Variants in LRRC52 observed in about 807,000 individuals in gnomAD.
LRRC52 encodes leucine rich repeat containing 52, also known as leucine-rich repeat-containing protein 52.
Under a neutral mutation model 14.7 loss-of-function variants are expected in LRRC52, and 15 were observed. That is an observed-to-expected ratio of 1.02 (90% confidence interval 0.68 to 1.58). The LOEUF (loss-of-function observed/expected upper bound fraction) is 1.58. LRRC52 is among the 40% of genes most tolerant of loss of function. The pLI is 0.00. For synonymous variants in LRRC52, 180 were observed against 163.9 expected, an observed-to-expected ratio of 1.10 and a Z score of -0.75; for missense variants, 400 against 387.7, an observed-to-expected ratio of 1.03 and a Z score of -0.27.
At chr1:165,545,780 A>G (rs1321076845) in intron 1 of LRRC52, among the ~76,000 whole-genome samples, 8 of 152,094 alleles carry the variant, frequency 5.3e-5, no homozygotes, top group Non-Finnish European at 1.2e-4. Flanking sequence ...TCCACCAATA[A>G]TAGCATTTTT....
chr1:165,550,895 A>C (rs778936669), intron 1 of LRRC52, among the ~76,000 whole-genome samples: 18 of 152,294 alleles, frequency 1.2e-4, no homozygotes, highest in Non-Finnish European at 2.1e-4. Flanking sequence ...CTTCTTCAAG[A>C]GTCACTTTTC....
chr1:165,552,210 C>T (rs986754892), intron 1 of LRRC52, among the ~76,000 whole-genome samples: 3 of 152,082 alleles, frequency 2.0e-5, no homozygotes, highest in African/African-American at 7.2e-5. Context: ...AATTGGGATC[C>T]CTGAGAGTAG....
At chr1:165,548,103 AG>A (rs1661059208) in intron 1 of LRRC52, among the ~76,000 whole-genome samples, 1 of 152,194 alleles carries the variant, frequency 6.6e-6, no homozygotes. Context: ...GGAGATAGGA[AG>A]ATTTCTATGA....
intron 1 of LRRC52, among the ~76,000 whole-genome samples, chr1:165,547,603 T>C (rs182018470): frequency 1.3e-5 from 2 of 152,056 alleles, no homozygotes; most frequent in South Asian, 4.1e-4. Context: ...CAAACACACA[T>C]GCAAACACAA....
At chr1:165,556,901 C>T (rs941859637) in intron 1 of LRRC52, among the ~76,000 whole-genome samples, 4 of 152,166 alleles carry the variant, frequency 2.6e-5, no homozygotes, top group Admixed American at 2.0e-4. Flanking sequence ...CCTCTGGGCA[C>T]CTGTAGTACG....
intron 1 of LRRC52, among the ~76,000 whole-genome samples, chr1:165,552,025 C>T (rs1178363858): frequency 6.6e-6 from 1 of 150,746 alleles, no homozygotes; most frequent in Non-Finnish European, 1.5e-5. Context: ...CCAAGGCTTC[C>T]AAGGCTGTTG....
intron 1 of LRRC52, among the ~76,000 whole-genome samples, chr1:165,551,216 TG>T (rs35875519): frequency 0.094 from 14,337 of 152,190 alleles, 743 homozygotes; most frequent in Admixed American, 0.16. Flanking sequence ...AGAAACTCAT[TG>T]CCCCAGACTT....
chr1:165,556,443 C>G (rs994512987), intron 1 of LRRC52, among the ~76,000 whole-genome samples: 5 of 152,160 alleles, frequency 3.3e-5, no homozygotes, highest in Admixed American at 6.5e-5. Context: ...GCCCAAATAA[C>G]ACAAATCCTT....
At chr1:165,548,067 A>C (rs1661058566) in intron 1 of LRRC52, among the ~76,000 whole-genome samples, 1 of 152,252 alleles carries the variant, frequency 6.6e-6, no homozygotes, top group African/African-American at 2.4e-5. Flanking sequence ...GAGCCCATGT[A>C]TCTCTCTACA....
chr1:165,558,048 G>A (rs915106919), intron 1 of LRRC52, among the ~76,000 whole-genome samples: 9 of 152,266 alleles, frequency 5.9e-5, no homozygotes, highest in African/African-American at 1.7e-4. Context: ...TATAACTGGC[G>A]GGTTCAATAC....
chr1:165,563,675 C>A lies in LRRC52; in HGVS notation c.793C>A (p.Leu265Ile). ...CGCCGCGGGAACTGTGGCTGCCTGG[C>A]TCACAGGTGTGTGTGCTGTGCTCTA... ...IFAAGTVAAW[L>I]TGVCAVLYQN... The change falls in exon 2 of 2, where the codon CTC (leucine) becomes ATC (isoleucine). Residue 265 changes from leucine (L) to isoleucine (I), a missense_variant. Leu to Ile is a conservative substitution (Grantham distance 5, BLOSUM62 2). Transcript: ENST00000294818. 6.2e-7 allele frequency: 1 copy of A among 1,614,178 alleles called. No individual in the cohort carries two copies. Among genetic ancestry groups the A allele is most frequent in the Non-Finnish European group, 8.5e-7 (1 of 1,180,018 alleles).
At chr1:165,562,029 C>T (rs1448846751) in intron 1 of LRRC52, among the ~76,000 whole-genome samples, 3 of 152,256 alleles carry the variant, frequency 2.0e-5, no homozygotes, top group Non-Finnish European at 4.4e-5. Context: ...ACTAGTCAGG[C>T]AGTTCCTGCC....
chr1:165,563,192 A>G (rs1327330197), intron 1 of LRRC52, among the ~76,000 whole-genome samples: 2 of 152,132 alleles, frequency 1.3e-5, no homozygotes, highest in Non-Finnish European at 2.9e-5. Context: ...GAGCATCCTT[A>G]AGAAGCATTT....
At chr1:165,561,510 C>T (rs1661344252) in intron 1 of LRRC52, among the ~76,000 whole-genome samples, 1 of 152,198 alleles carries the variant, frequency 6.6e-6, no homozygotes, top group South Asian at 2.1e-4. Flanking sequence ...CACAGAGGTC[C>T]TCAAGCCAGG....
At chr1:165,561,071 G>T (rs78694871) in intron 1 of LRRC52, among the ~76,000 whole-genome samples, 6,079 of 152,250 alleles carry the variant, frequency 0.04, 395 homozygotes, top group African/African-American at 0.14. Flanking sequence ...TCTTGGCAGT[G>T]ACTGCGACTG....
Position 165,544,243 on chromosome 1 carries a change from T to C in LRRC52, c.-54T>C. 7.0e-7 allele frequency: 1 copy of C among 1,424,522 alleles called. No homozygotes were observed. The allele number at this position is 1,424,522 out of a possible 1,614,324, so 88.2% of individuals were successfully genotyped here. A position where few individuals can be genotyped will look rare whatever the true frequency, so the allele number is the denominator to read the frequency against. ...CACCCCCCCACCGGCAGCCTTCGGA[T>C]CAGAGGACAGAGCCCGCAGGAAGGT... On this transcript the variant is annotated 5_prime_UTR_variant, in exon 1 of 2. Coordinates refer to ENST00000294818, the MANE Select transcript of LRRC52 (RefSeq NM_001005214.4).
At chr1:165,554,163 A>G (rs1661187684) in intron 1 of LRRC52, among the ~76,000 whole-genome samples, 2 of 152,198 alleles carry the variant, frequency 1.3e-5, no homozygotes, top group Non-Finnish European at 2.9e-5. Flanking sequence ...CCACATGAAG[A>G]TTTTAGAACT....
chr1:165,544,129 T>C lies in LRRC52; in HGVS notation c.-168T>C. On this transcript the variant is annotated 5_prime_UTR_variant, in exon 1 of 2. Transcript: ENST00000294818. Reference sequence around the variant, plus strand: ...GGCGGCAGGGCATTGAGCCTCGCGTTTCAATTTCTGTTCAGTTCTCCTGTA... The same window carrying C: ...GGCGGCAGGGCATTGAGCCTCGCGTCTCAATTTCTGTTCAGTTCTCCTGTA... The C allele has an allele frequency of 1.2e-6, 1 of 837,226 alleles. No individual in the cohort carries two copies. The highest frequency in any genetic ancestry group is 1.9e-5 in the South Asian group (1 of 52,928). 51.9% of individuals were successfully genotyped at this position (837,226 alleles called of 1,614,324 possible).
chr1:165,544,969 G>T (rs1660989309), intron 1 of LRRC52, 51 bp downstream of exon 1: 1 of 1,590,656 alleles, frequency 6.3e-7, no homozygotes, highest in East Asian at 2.2e-5. Context: ...AGTGGCTCCA[G>T]AAAAGGTGAA....
Sources: allele counts gnomAD v4.1 joint callset (sites outside exome capture counted in the v4.1 genomes callset), GRCh38; gene constraint gnomAD v4.1.1; transcripts MANE v1.5; gene names NCBI Gene and HGNC (gene_info 2026-07-23, HGNC 2026-07-21).